Variants in DHRSX observed in about 807,000 individuals in gnomAD.
The protein encoded by DHRSX is dehydrogenase/reductase X-linked.
A neutral mutation model predicts 34.0 loss-of-function variants in DHRSX; 31 were observed. The observed-to-expected ratio is 0.91, with a 90% CI of 0.69 to 1.23. DHRSX has a LOEUF of 1.23. Ranked by LOEUF, DHRSX falls within the 50% of genes most tolerant of loss-of-function variation. The pLI is 0.00. For missense variants in DHRSX, 414 were observed against 428.1 expected (o/e 0.97, Z 0.29); for synonymous variants, 201 against 183.8 (o/e 1.09, Z -0.76).
At chrX:2,438,020 A>AAT in intron 1 of DHRSX, among the ~76,000 whole-genome samples, 1 of 149,682 alleles carries the variant, frequency 6.7e-6, no homozygotes. Context: ...AAAAAAAAAA[A>AAT]CTGAATTCTG....
chrX:2,244,557 A>G (rs1276952676), intron 5 of DHRSX, among the ~76,000 whole-genome samples: 4 of 152,078 alleles, frequency 2.6e-5, no homozygotes, highest in South Asian at 2.1e-4. Context: ...AGACAAGGAG[A>G]AGTATTTGAG....
intron 4 of DHRSX, among the ~76,000 whole-genome samples, chrX:2,275,841 A>G (rs1250636604): frequency 6.7e-6 from 1 of 148,500 alleles, no homozygotes; most frequent in Non-Finnish European, 1.5e-5. Context: ...TTTTTTAAAA[A>G]TTTTAATTTA....
rs1297107162 is a variant in DHRSX, at chrX:2,221,850, C to T, written c.805-621G>A. Among the ~76,000 whole-genome samples the T allele has an allele frequency of 2.0e-5, 3 of 151,998 alleles. 1 individual carries two copies. The highest frequency in any genetic ancestry group is 1.3e-4 in the Admixed American group (2 of 15,244). On this transcript the variant is annotated intron_variant, in intron 6 of 6. Coordinates refer to ENST00000334651, the MANE Select transcript of DHRSX (RefSeq NM_145177.3). Reference sequence around the variant, plus strand: ...CTGGTTTTCTGCAGTGGGAGTTGGCCCTTGGTCATGGTCAGTGGGATGGAA... The same window carrying T: ...CTGGTTTTCTGCAGTGGGAGTTGGCTCTTGGTCATGGTCAGTGGGATGGAA...
chrX:2,339,574 T>C (rs973673618), intron 3 of DHRSX, among the ~76,000 whole-genome samples: 1 of 152,086 alleles, frequency 6.6e-6, no homozygotes, highest in African/African-American at 2.4e-5. Flanking sequence ...CAAAGTCCAT[T>C]GTATCATTCT....
intron 1 of DHRSX, among the ~76,000 whole-genome samples, chrX:2,437,694 A>T (rs868533343): frequency 3.6e-4 from 25 of 69,352 alleles, no homozygotes; most frequent in African/African-American, 2.0e-3. Flanking sequence ...AGAGAGAGAG[A>T]GAGAGTGTGT....
chrX:2,485,643 A>G (rs73622924), intron 1 of DHRSX, among the ~76,000 whole-genome samples: 30,084 of 61,926 alleles, frequency 0.49, 7,414 homozygotes, highest in African/African-American at 0.68. Context: ...AGGAGAGGGA[A>G]GGAGGGAGGG....
intron 3 of DHRSX, among the ~76,000 whole-genome samples, chrX:2,340,245 G>A (rs752618793): frequency 2.6e-5 from 4 of 152,046 alleles, no homozygotes; most frequent in Non-Finnish European, 4.4e-5. Context: ...TGTAGATGAC[G>A]GGTTGAGGGG....
chrX:2,483,615 C>G (rs1466229374), intron 1 of DHRSX, among the ~76,000 whole-genome samples: 3 of 151,910 alleles, frequency 2.0e-5, no homozygotes, highest in African/African-American at 7.3e-5. Flanking sequence ...ACAAATGCCC[C>G]CCGGTTCTTT....
At chrX:2,448,144 C>A (rs1434208070) in intron 1 of DHRSX, among the ~76,000 whole-genome samples, 6 of 150,144 alleles carry the variant, frequency 4.0e-5, no homozygotes, top group Non-Finnish European at 7.4e-5. Flanking sequence ...TCAAGACCAG[C>A]CTGAGCAACA....
rs1556439758 is a variant in DHRSX, at chrX:2,259,393, TAG to T, written c.596+7345_596+7346del. 1.6e-3 allele frequency among the ~76,000 whole-genome samples: 98 copies of T among 59,506 alleles called. 4 individuals are homozygous for T. The highest frequency in any genetic ancestry group is 5.0e-3 in the East Asian group (21 of 4,212). The allele number at this position is 59,506 out of a possible 152,430, so 39.0% of individuals were successfully genotyped here. A position where few individuals can be genotyped will look rare whatever the true frequency, so the allele number is the denominator to read the frequency against. On this transcript the variant is annotated intron_variant, in intron 5 of 6. Coordinates refer to ENST00000334651, the MANE Select transcript of DHRSX (RefSeq NM_145177.3). Reference sequence around the variant, plus strand: ...ATATATAGATATATATATAGATATATAGATATATATATAGATATAGATATATA... The same window carrying T: ...ATATATAGATATATATATAGATATATATATATATATAGATATAGATATATA...
intron 3 of DHRSX, among the ~76,000 whole-genome samples, chrX:2,393,464 C>G: frequency 6.9e-6 from 1 of 145,756 alleles, no homozygotes; most frequent in Admixed American, 7.0e-5. Flanking sequence ...ACATGACACA[C>G]AGGGACCTCC....
intron 2 of DHRSX, among the ~76,000 whole-genome samples, chrX:2,414,079 A>C (rs927642183): frequency 1.2e-4 from 18 of 152,136 alleles, no homozygotes; most frequent in African/African-American, 3.6e-4. Context: ...GACCAACTCA[A>C]CTAGACCTCA....
chrX:2,241,181 TCAAA>T (rs753511615), intron 6 of DHRSX, among the ~76,000 whole-genome samples: 13 of 152,126 alleles, frequency 8.5e-5, no homozygotes, highest in Non-Finnish European at 1.3e-4. Context: ...AGACTCCATC[TCAAA>T]CAAACAAACA....
intron 5 of DHRSX, among the ~76,000 whole-genome samples, chrX:2,246,217 T>C (rs1018048207): frequency 4.6e-5 from 7 of 152,182 alleles, no homozygotes; most frequent in African/African-American, 9.6e-5. Context: ...CCTAAAAGAA[T>C]GTTTAACACA....
intron 1 of DHRSX, among the ~76,000 whole-genome samples, chrX:2,468,198 T>G (rs768592210): frequency 2.0e-5 from 3 of 152,228 alleles, no homozygotes; most frequent in East Asian, 3.9e-4. Context: ...CTGGGTGGGC[T>G]GGGGAGCTGC....
chrX:2,371,233 C>CCCATTACCATAGTCCCTCCT (rs1415421610), intron 3 of DHRSX, among the ~76,000 whole-genome samples: 15 of 75,708 alleles, frequency 2.0e-4, no homozygotes, highest in African/African-American at 3.5e-4. Flanking sequence ...GTAGTCCCTC[C>CCCATTACCATAGTCCCTCCT]CCATTACCAT....
chrX:2,467,285 A>G (rs186656602), intron 1 of DHRSX, among the ~76,000 whole-genome samples: 14 of 152,208 alleles, frequency 9.2e-5, no homozygotes, highest in African/African-American at 3.4e-4. Flanking sequence ...GAGACCTAAT[A>G]AGACATCTGG....
At chrX:2,444,369 T>C (rs2044101227) in intron 1 of DHRSX, among the ~76,000 whole-genome samples, 1 of 152,220 alleles carries the variant, frequency 6.6e-6, no homozygotes, top group Non-Finnish European at 1.5e-5. Flanking sequence ...TGAATTTTAA[T>C]GAGGAAGGCA....
chrX:2,248,432 C>CAAAAAAAAAAAAA (rs574631590), intron 5 of DHRSX, among the ~76,000 whole-genome samples: 8 of 111,046 alleles, frequency 7.2e-5, no homozygotes, highest in East Asian at 2.4e-4. Context: ...GACTCTGTCT[C>CAAAAAAAAAAAAA]AAAAAAAAAA....
Sources: allele counts gnomAD v4.1 joint callset (sites outside exome capture counted in the v4.1 genomes callset), GRCh38; gene constraint gnomAD v4.1.1; transcripts MANE v1.5; gene names NCBI Gene and HGNC (gene_info 2026-07-23, HGNC 2026-07-21).